Variants in ERBB4 observed in about 807,000 individuals in gnomAD.
ERBB4 encodes the protein erb-b2 receptor tyrosine kinase 4.
A neutral mutation model predicts 158.0 loss-of-function variants in ERBB4; 42 were observed. The observed-to-expected ratio is 0.27, with a 90% CI of 0.21 to 0.34. ERBB4 has a LOEUF of 0.34. ERBB4 is among the 10% of genes least tolerant of loss of function. ERBB4 has a pLI of 1.00. For synonymous variants in ERBB4, 583 were observed against 558.7 expected (o/e 1.04, Z -0.61); for missense variants, 1,333 against 1,624.1 (o/e 0.82, Z 3.08).
chr2:212,002,406 G>T (rs867152351), intron 2 of ERBB4, among the ~76,000 whole-genome samples: 2 of 152,154 alleles, frequency 1.3e-5, no homozygotes, highest in African/African-American at 4.8e-5. Context: ...TGTATTTGGA[G>T]CCAGTTACAG....
At chr2:211,838,782 G>A (rs1002193999) in intron 3 of ERBB4, among the ~76,000 whole-genome samples, 8 of 151,970 alleles carry the variant, frequency 5.3e-5, no homozygotes, top group African/African-American at 1.2e-4. Flanking sequence ...TCTGTGATTC[G>A]GACTAACGGG....
chr2:212,354,921 C>G (rs929541763), intron 1 of ERBB4, among the ~76,000 whole-genome samples: 1 of 151,624 alleles, frequency 6.6e-6, no homozygotes, highest in African/African-American at 2.4e-5. Context: ...AATACAGATA[C>G]TCGTGTTAGG....
At chr2:211,550,741 C>T (rs2067071167) in intron 20 of ERBB4, among the ~76,000 whole-genome samples, 1 of 146,692 alleles carries the variant, frequency 6.8e-6, no homozygotes, top group Non-Finnish European at 1.5e-5. Flanking sequence ...TACACACACA[C>T]ACATGCATTT....
At chr2:211,597,689 A>G (rs986698455) in intron 19 of ERBB4, among the ~76,000 whole-genome samples, 5 of 152,192 alleles carry the variant, frequency 3.3e-5, no homozygotes, top group African/African-American at 1.2e-4. Context: ...GCTATACTCA[A>G]TTGAAATCTA....
intron 1 of ERBB4, among the ~76,000 whole-genome samples, chr2:212,193,451 T>C (rs570812631): frequency 3.3e-5 from 5 of 152,190 alleles, no homozygotes; most frequent in South Asian, 2.1e-4. Context: ...GGGTCACATA[T>C]AGAATACAAA....
chr2:212,225,153 A>C (rs1042655955), intron 1 of ERBB4, among the ~76,000 whole-genome samples: 1 of 152,042 alleles, frequency 6.6e-6, no homozygotes, highest in Non-Finnish European at 1.5e-5. Context: ...TACTATATTA[A>C]AACTTTCATC....
chr2:212,406,120 C>G (rs1465324549), intron 1 of ERBB4, among the ~76,000 whole-genome samples: 1 of 152,070 alleles, frequency 6.6e-6, no homozygotes, highest in African/African-American at 2.4e-5. Context: ...ATTTTTGTCT[C>G]TATTTCTGAT....
intron 2 of ERBB4, among the ~76,000 whole-genome samples, chr2:211,970,130 T>A (rs1489721900): frequency 6.6e-6 from 1 of 152,160 alleles, no homozygotes; most frequent in Non-Finnish European, 1.5e-5. Context: ...TCTTGAATTC[T>A]GCATAATTTT....
intron 1 of ERBB4, among the ~76,000 whole-genome samples, chr2:212,382,902 TCTTA>T (rs1341917669): frequency 2.0e-5 from 3 of 151,348 alleles, no homozygotes; most frequent in Non-Finnish European, 4.4e-5. Flanking sequence ...GGACTTGGTA[TCTTA>T]CTTACAATAT....
chr2:212,028,474 C>T (rs2076825612), intron 2 of ERBB4, among the ~76,000 whole-genome samples: 1 of 152,082 alleles, frequency 6.6e-6, no homozygotes, highest in African/African-American at 2.4e-5. Context: ...CAAATTTTCT[C>T]ATAAATGACG....
At chr2:211,821,753 C>T (rs56083634) in intron 3 of ERBB4, among the ~76,000 whole-genome samples, 35,143 of 151,636 alleles carry the variant, frequency 0.23, 4,200 homozygotes, top group South Asian at 0.32. Context: ...ATACACATTG[C>T]AGAAAGAACA....
chr2:212,462,579 T>C (rs941751970), intron 1 of ERBB4, among the ~76,000 whole-genome samples: 91 of 152,044 alleles, frequency 6.0e-4, no homozygotes, highest in African/African-American at 2.1e-3. Context: ...TTAGAATGGG[T>C]ATTCTCAAAA....
intron 20 of ERBB4, among the ~76,000 whole-genome samples, chr2:211,464,225 G>A (rs1485109616): frequency 6.6e-6 from 1 of 152,000 alleles, no homozygotes; most frequent in Admixed American, 6.6e-5. Flanking sequence ...TGTCTGTTTT[G>A]TTCACTTCTA....
intron 1 of ERBB4, among the ~76,000 whole-genome samples, chr2:212,152,162 G>A (rs1033383506): frequency 6.6e-6 from 1 of 151,808 alleles, no homozygotes; most frequent in Non-Finnish European, 1.5e-5. Flanking sequence ...ATAAAACATA[G>A]TTAAGAGTTC....
At chr2:212,017,898 A>T (rs767364503) in intron 2 of ERBB4, among the ~76,000 whole-genome samples, 3 of 152,152 alleles carry the variant, frequency 2.0e-5, no homozygotes, top group African/African-American at 4.8e-5. Context: ...TTCTATCTTG[A>T]TTTCTAACAT....
chr2:211,893,976 G>A (rs10469659), intron 3 of ERBB4, among the ~76,000 whole-genome samples: 10 of 141,148 alleles, frequency 7.1e-5, no homozygotes, highest in Non-Finnish European at 1.4e-4. Context: ...CTGTAAACTA[G>A]TTCAACCATT....
intron 1 of ERBB4, among the ~76,000 whole-genome samples, chr2:212,510,891 T>C (rs1025287869): frequency 6.6e-6 from 1 of 152,110 alleles, no homozygotes; most frequent in Non-Finnish European, 1.5e-5. Context: ...TCCAAGTACA[T>C]GTGGGATCCC....
At chr2:212,399,783 G>A (rs1278060406) in intron 1 of ERBB4, among the ~76,000 whole-genome samples, 6 of 151,504 alleles carry the variant, frequency 4.0e-5, no homozygotes, top group Non-Finnish European at 8.8e-5. Flanking sequence ...GGAGGCTGAG[G>A]CAGGAGAATT....
At chr2:212,380,574 T>C (rs2090470898) in intron 1 of ERBB4, among the ~76,000 whole-genome samples, 1 of 150,966 alleles carries the variant, frequency 6.6e-6, no homozygotes, top group South Asian at 2.1e-4. Flanking sequence ...GCTCATTTAT[T>C]TTAAGATAGT....
Sources: allele counts gnomAD v4.1 joint callset (sites outside exome capture counted in the v4.1 genomes callset), GRCh38; gene constraint gnomAD v4.1.1; transcripts MANE v1.5; gene names NCBI Gene and HGNC (gene_info 2026-07-23, HGNC 2026-07-21).